The following SNAPC3 variants were observed in gnomAD, a reference collection of about 807,000 sequenced individuals.
SNAPC3 encodes snRNA-activating protein complex subunit 3.
SNAPC3 carries 56 observed loss-of-function variants against 47.7 expected under a neutral mutation model. That is an observed-to-expected ratio of 1.18 (90% CI 0.95 to 1.47). SNAPC3 has a LOEUF of 1.47. Among genes scored for constraint, SNAPC3 ranks in the 40% most tolerant of loss-of-function variants. The pLI is 0.00. For missense variants in SNAPC3, 665 were observed against 511.3 expected (o/e 1.30, Z -2.90); for synonymous variants, 235 against 189.9 (o/e 1.24, Z -1.95).
intron 4 of SNAPC3, among the ~76,000 whole-genome samples, chr9:15,445,460 T>A (rs1188193062): frequency 7.9e-5 from 12 of 152,324 alleles, no homozygotes; most frequent in African/African-American, 2.6e-4. Flanking sequence ...GTCAAGGGTA[T>A]CTAGGAATCT....
chr9:15,434,901 G>T (rs1035976905), intron 3 of SNAPC3, among the ~76,000 whole-genome samples: 3 of 152,152 alleles, frequency 2.0e-5, no homozygotes, highest in Non-Finnish European at 4.4e-5. Flanking sequence ...GAAAATTGGT[G>T]TACAGATATC....
At chr9:15,454,342 C>T (rs1437956540) in intron 7 of SNAPC3, among the ~76,000 whole-genome samples, 1 of 152,160 alleles carries the variant, frequency 6.6e-6, no homozygotes, top group African/African-American at 2.4e-5. Context: ...CACTCCATCT[C>T]AGGAAACTAT....
chr9:15,423,693 T>C (rs1239114516), intron 1 of SNAPC3, among the ~76,000 whole-genome samples: 1 of 152,238 alleles, frequency 6.6e-6, no homozygotes, highest in Admixed American at 6.5e-5. Context: ...AACTTTAATC[T>C]CTTTCTCCAT....
chr9:15,450,625 C>CAGTTTAACAG (rs2034316516), intron 5 of SNAPC3, among the ~76,000 whole-genome samples: 1 of 152,164 alleles, frequency 6.6e-6, no homozygotes, highest in South Asian at 2.1e-4. Flanking sequence ...GGTGAAGGAC[C>CAGTTTAACAG]AGTTTAACAG....
intron 3 of SNAPC3, 32 bp from the exon 4 acceptor site, chr9:15,444,570 T>G: frequency 7.5e-7 from 1 of 1,327,744 alleles, no homozygotes; most frequent in Non-Finnish European, 1.1e-6. Flanking sequence ...AGTTATAGTA[T>G]CTGATTTCAG....
chr9:15,451,585 G>A (rs188593673), intron 6 of SNAPC3, among the ~76,000 whole-genome samples, 183 bp downstream of exon 6: 12 of 152,200 alleles, frequency 7.9e-5, no homozygotes, highest in South Asian at 2.1e-4. Flanking sequence ...CAGCCACTCC[G>A]GAGGCTGAGG....
At chr9:15,446,515 C>G (rs1244383142) in intron 4 of SNAPC3, among the ~76,000 whole-genome samples, 1 of 152,146 alleles carries the variant, frequency 6.6e-6, no homozygotes, top group African/African-American at 2.4e-5. Context: ...ACATTCCATG[C>G]TATTCTAATT....
downstream of SNAPC3, chr9:15,464,010 C>A (rs936751870): frequency 1.2e-5 from 2 of 171,518 alleles, no homozygotes; most frequent in East Asian, 2.2e-4. Context: ...TGGCAGCAAA[C>A]CCAGAATTCC....
chr9:15,465,488 T>C (rs747979639), downstream of SNAPC3: 5 of 1,485,134 alleles, frequency 3.4e-6, no homozygotes, highest in Non-Finnish European at 4.6e-6. Flanking sequence ...TACAAACTTC[T>C]CAAGTGTTCT....
chr9:15,454,202 C>T (rs931179155), intron 7 of SNAPC3, among the ~76,000 whole-genome samples: 1 of 151,408 alleles, frequency 6.6e-6, no homozygotes, highest in African/African-American at 2.4e-5. Context: ...TGCATTCCAG[C>T]CTGGGTGACA....
At chr9:15,465,251 A>G (rs542288550), downstream of SNAPC3, 7 of 380,748 alleles carry the variant, frequency 1.8e-5, no homozygotes, top group Admixed American at 9.2e-5. Context: ...CACTAATTGA[A>G]AATATGCTAC....
chr9:15,459,846 G>C lies in SNAPC3; in HGVS notation c.1216G>C (p.Asp406His). 6.2e-7 allele frequency: 1 copy of C among 1,613,092 alleles called. No homozygotes were observed. The highest frequency in any genetic ancestry group is 8.5e-7 in the Non-Finnish European group (1 of 1,179,550). ...GGAATTCCTTGCTTATCCTTATGTT[G>C]ATCCTGGAACCTTTAATTAAGAATA... ...LGEFLAYPYVDPGTFN is the reference protein window; with the variant it reads ...LGEFLAYPYVHPGTFN The change falls in exon 9 of 9, where the codon GAT (aspartate) becomes CAT (histidine). Residue 406 changes from aspartate to histidine, a missense_variant. By Grantham distance (81) the Asp-to-His change is moderately conservative (BLOSUM62 -1). Transcript: ENST00000380821.
chr9:15,465,434 T>C (rs1023374472), downstream of SNAPC3: 4 of 1,230,474 alleles, frequency 3.3e-6, no homozygotes, highest in Non-Finnish European at 4.6e-6. Flanking sequence ...CCTATGCTTA[T>C]AAAAATTTAA....
intron 2 of SNAPC3, among the ~76,000 whole-genome samples, chr9:15,431,347 G>A (rs2032120578): frequency 6.6e-6 from 1 of 152,108 alleles, no homozygotes; most frequent in African/African-American, 2.4e-5. Context: ...TCAGCCCTAG[G>A]GGTAGGGTGC....
chr9:15,459,553 G>T (rs1377106509), intron 8 of SNAPC3, among the ~76,000 whole-genome samples, 166 bp from the exon 9 acceptor site: 2 of 152,140 alleles, frequency 1.3e-5, no homozygotes, highest in East Asian at 3.8e-4. Context: ...AGTATTGGTG[G>T]TGATGTATTT....
At chr9:15,447,637 TC>T (rs1455798110) in intron 5 of SNAPC3, among the ~76,000 whole-genome samples, 1 of 152,174 alleles carries the variant, frequency 6.6e-6, no homozygotes, top group Non-Finnish European at 1.5e-5. Context: ...TGGTCACTTT[TC>T]CATTTTTATG....
intron 6 of SNAPC3, among the ~76,000 whole-genome samples, chr9:15,451,929 C>A (rs1260245464): frequency 6.6e-6 from 1 of 151,300 alleles, no homozygotes; most frequent in Admixed American, 6.6e-5. Flanking sequence ...AATGTCTTAA[C>A]AATTACAGTA....
At chr9:15,439,895 CT>C (rs1295657025) in intron 3 of SNAPC3, among the ~76,000 whole-genome samples, 1 of 152,218 alleles carries the variant, frequency 6.6e-6, no homozygotes, top group African/African-American at 2.4e-5. Context: ...AGTCCTCAAC[CT>C]ACTGTGGTTT....
chr9:15,450,045 A>T (rs557097078), intron 5 of SNAPC3, among the ~76,000 whole-genome samples: 1 of 152,164 alleles, frequency 6.6e-6, no homozygotes, highest in East Asian at 1.9e-4. Flanking sequence ...AATAATAGTT[A>T]TTTTTTTAGA....
Sources: allele counts gnomAD v4.1 joint callset (sites outside exome capture counted in the v4.1 genomes callset), GRCh38; gene constraint gnomAD v4.1.1; transcripts MANE v1.5; gene names NCBI Gene and HGNC (gene_info 2026-07-23, HGNC 2026-07-21).